Variants in ZNRF3 observed in about 807,000 individuals in gnomAD.
ZNRF3 encodes E3 ubiquitin-protein ligase ZNRF3.
ZNRF3 carries 23 observed loss-of-function variants against 72.5 expected under a neutral mutation model. The ratio of observed to expected loss-of-function variants is 0.32; its 90% CI spans 0.23 to 0.45. ZNRF3 has a LOEUF of 0.45. Among genes scored for constraint, ZNRF3 ranks in the 20% least tolerant of loss-of-function variants. The pLI, the probability that ZNRF3 is intolerant of heterozygous loss-of-function variation, is 1.00. For missense variants in ZNRF3, 1,169 were observed against 1,272.1 expected, an observed-to-expected ratio of 0.92 and a Z score of 1.23; for synonymous variants, 610 against 545.3, an observed-to-expected ratio of 1.12 and a Z score of -1.65.
At chr22:28,942,572 T>C (rs1252410999) in intron 1 of ZNRF3, among the ~76,000 whole-genome samples, 4 of 152,198 alleles carry the variant, frequency 2.6e-5, no homozygotes, top group Non-Finnish European at 5.9e-5. Context: ...TCCCAAGATC[T>C]TTCTCCAGAG....
At chr22:29,003,582 G>T (rs1281206072) in intron 2 of ZNRF3, among the ~76,000 whole-genome samples, 1 of 151,804 alleles carries the variant, frequency 6.6e-6, no homozygotes, top group Admixed American at 6.6e-5. Context: ...GCTCGTGCCT[G>T]TAATCCCAAC....
intron 2 of ZNRF3, among the ~76,000 whole-genome samples, chr22:29,041,728 A>T (rs994689253): frequency 5.9e-5 from 9 of 152,108 alleles, no homozygotes; most frequent in African/African-American, 1.9e-4. Context: ...ACTGCTTCAA[A>T]ACCCCATTTA....
rs892829477 is a variant in ZNRF3 at position 29,030,900 on chromosome 22, C to T, written c.427-11595C>T. 8.5e-5 allele frequency among the ~76,000 whole-genome samples: 13 copies of T among 152,182 alleles called. No homozygotes were observed. The highest frequency in any genetic ancestry group is 2.2e-4 in the African/African-American group (9 of 41,442). ...TGGCTTCAGCGCTTTGATCTCCTGC[C>T]AGGGAAACCTGGAAGGTCAGGCCGG... On this transcript the variant is annotated intron_variant, in intron 2 of 8. Transcript: ENST00000544604. The surrounding 1 kb of genome is among the most constrained non-coding windows in gnomAD (Gnocchi z 4.2).
chr22:28,984,048 C>G (rs2035811387), intron 1 of ZNRF3, among the ~76,000 whole-genome samples: 1 of 151,752 alleles, frequency 6.6e-6, no homozygotes, highest in Non-Finnish European at 1.5e-5. Context: ...CTGTGGGATC[C>G]CCGTGTTAGC....
At chr22:29,014,561 G>A (rs2123855033) in intron 2 of ZNRF3, among the ~76,000 whole-genome samples, 1 of 152,322 alleles carries the variant, frequency 6.6e-6, no homozygotes, top group African/African-American at 2.4e-5. Flanking sequence ...AGGTAGCCTG[G>A]ATGCAGTGAG....
At chr22:28,885,485 G>T (rs2033764461) in intron 1 of ZNRF3, among the ~76,000 whole-genome samples, 1 of 151,088 alleles carries the variant, frequency 6.6e-6, no homozygotes, top group African/African-American at 2.4e-5. Flanking sequence ...ATGCTTTGCT[G>T]AAGATTCCTA....
rs1360259357 is a variant in ZNRF3 at position 28,923,898 on chromosome 22, G to C, written c.300+39832G>C. On this transcript the variant is annotated intron_variant, in intron 1 of 8. Transcript: ENST00000544604. ...CTGGGTCTGGGGTGGAGCCCAAGTG[G>C]GGTGGGGGACCGAGCGGGCGAGGCC... Among the ~76,000 whole-genome samples, 6 of 152,386 alleles carry C rather than the reference G, an allele frequency of 3.9e-5. 1 individual carries two copies. The highest frequency in any genetic ancestry group is 1.4e-4 in the African/African-American group (6 of 41,596).
At chr22:29,044,918 C>A in intron 5 of ZNRF3, 28 bp downstream of exon 5, 2 of 1,504,490 alleles carry the variant, frequency 1.3e-6, no homozygotes, top group Non-Finnish European at 1.9e-6. Flanking sequence ...AGCCCGTGAG[C>A]AGTAACCCCT....
At chr22:28,918,063 A>T (rs748746742) in intron 1 of ZNRF3, among the ~76,000 whole-genome samples, 47 of 152,198 alleles carry the variant, frequency 3.1e-4, no homozygotes, top group Non-Finnish European at 6.5e-4. Context: ...GCTTAGAGGA[A>T]CTGAAGTCCT....
chr22:28,950,376 G>A (rs2035138290), intron 1 of ZNRF3, among the ~76,000 whole-genome samples: 1 of 152,228 alleles, frequency 6.6e-6, no homozygotes, highest in Admixed American at 6.5e-5. Flanking sequence ...TCTGTTGTCT[G>A]AGACTGGTAG....
intron 1 of ZNRF3, among the ~76,000 whole-genome samples, chr22:28,940,108 A>G (rs1055351244): frequency 5.3e-5 from 8 of 152,182 alleles, no homozygotes; most frequent in African/African-American, 1.7e-4. Context: ...TTCTTACCAG[A>G]CTGCCACAGG....
At chr22:28,916,807 G>GT (rs1823614127) in intron 1 of ZNRF3, among the ~76,000 whole-genome samples, 1 of 152,124 alleles carries the variant, frequency 6.6e-6, no homozygotes, top group African/African-American at 2.4e-5. Flanking sequence ...CTAAATTGTG[G>GT]TTTGTAAGTC....
At position 29,055,825 on chromosome 22, in the gene ZNRF3, A is replaced by G. The variant is rs2037288286; in HGVS notation, c.*2203A>G. The G allele has an allele frequency of 8.5e-6, 1 of 117,012 alleles. No homozygotes were observed. The highest frequency in any genetic ancestry group is 1.8e-5 in the Non-Finnish European group (1 of 55,274). The allele number at this position is 117,012 out of a possible 1,614,324, so 7.2% of individuals were successfully genotyped here. A position where few individuals can be genotyped will look rare whatever the true frequency, so the allele number is the denominator to read the frequency against. Reference sequence around the variant, plus strand: ...GGGGGGTTTTTTTGTTTTGTTTTTAATGCCTTTGAGTGCATATTTTCTTCC... The same window carrying G: ...GGGGGGTTTTTTTGTTTTGTTTTTAGTGCCTTTGAGTGCATATTTTCTTCC... On this transcript the variant is annotated 3_prime_UTR_variant, in exon 9 of 9. Transcript: ENST00000544604.
chr22:28,903,365 C>T (rs984428877), intron 1 of ZNRF3, among the ~76,000 whole-genome samples: 22 of 152,316 alleles, frequency 1.4e-4, no homozygotes, highest in Middle Eastern at 3.4e-3. Flanking sequence ...TCCAGCCGGA[C>T]GCATGGAATG....
chr22:28,935,514 A>G (rs564160922), intron 1 of ZNRF3, among the ~76,000 whole-genome samples: 2 of 152,040 alleles, frequency 1.3e-5, no homozygotes, highest in South Asian at 4.2e-4. Context: ...AAATATCCTC[A>G]CTAGGCTCCA....
chr22:28,938,933 CT>C (rs1401768213), intron 1 of ZNRF3, among the ~76,000 whole-genome samples: 1 of 152,134 alleles, frequency 6.6e-6, no homozygotes, highest in Non-Finnish European at 1.5e-5. Context: ...CTGAATATTA[CT>C]GTTTAGCTGT....
At chr22:28,926,766 T>G (rs1407124776) in intron 1 of ZNRF3, among the ~76,000 whole-genome samples, 1 of 131,818 alleles carries the variant, frequency 7.6e-6, no homozygotes, top group African/African-American at 3.0e-5. Flanking sequence ...ACCACTGCAC[T>G]CCAGCTTGGG....
At chr22:28,937,733 C>T (rs961624093) in intron 1 of ZNRF3, among the ~76,000 whole-genome samples, 35 of 152,142 alleles carry the variant, frequency 2.3e-4, no homozygotes, top group Admixed American at 2.2e-3. Flanking sequence ...AAATGAACAT[C>T]GTCTTCAGTC....
rs1205691535 is a variant in ZNRF3, at chr22:29,030,747, G to A, written c.427-11748G>A. ...ACATAGAGAAGCAGGGCTGGTGGAGGGGAGGAGGGACCCTGCAGGGCGGTA... is the reference window on the plus strand; with the variant it reads ...ACATAGAGAAGCAGGGCTGGTGGAGAGGAGGAGGGACCCTGCAGGGCGGTA... On this transcript the variant is annotated intron_variant, in intron 2 of 8. Coordinates refer to ENST00000544604, the MANE Select transcript of ZNRF3 (RefSeq NM_001206998.2). This position sits in a 1 kb window ranked among gnomAD's most constrained non-coding sequence, Gnocchi z 4.2. Among the ~76,000 whole-genome samples the A allele has an allele frequency of 6.6e-6, 1 of 152,078 alleles. No individual in the cohort carries two copies. Among genetic ancestry groups the A allele is most frequent in the Non-Finnish European group, 1.5e-5 (1 of 68,010 alleles).
Sources: allele counts gnomAD v4.1 joint callset (sites outside exome capture counted in the v4.1 genomes callset), GRCh38; gene constraint gnomAD v4.1.1; non-coding constraint Gnocchi (gnomAD v3.1); transcripts MANE v1.5; gene names NCBI Gene and HGNC (gene_info 2026-07-23, HGNC 2026-07-21).